The following MYO3B variants were observed in gnomAD, a reference collection of about 807,000 sequenced individuals.
MYO3B encodes myosin IIIB.
A neutral mutation model predicts 174.6 loss-of-function variants in MYO3B; 156 were observed. The ratio of observed to expected loss-of-function variants is 0.89; its 90% CI spans 0.78 to 1.02. MYO3B has a LOEUF of 1.02. Ranked by LOEUF, MYO3B falls within the 50% of genes least tolerant of loss-of-function variation. MYO3B has a pLI of 0.00. For missense variants in MYO3B, 1,632 were observed against 1,639.4 expected (o/e 1.00, Z 0.08); for synonymous variants, 563 against 569.1 (o/e 0.99, Z 0.15).
chr2:170,268,112 A>G (rs1574685213), intron 7 of MYO3B, among the ~76,000 whole-genome samples: 1 of 152,212 alleles, frequency 6.6e-6, no homozygotes, highest in East Asian at 1.9e-4. Flanking sequence ...TGGGAGGCTG[A>G]GGCAGGAGAA....
chr2:170,245,900 G>A (rs1294546293), intron 7 of MYO3B, among the ~76,000 whole-genome samples: 2 of 152,072 alleles, frequency 1.3e-5, no homozygotes, highest in Non-Finnish European at 2.9e-5. Context: ...TGCACGTTGT[G>A]CACATGTACC....
chr2:170,400,242 G>T lies in MYO3B; in HGVS notation c.1846G>T (p.Glu616Ter). ...LAGILNIGNIEFAAISSQHQT... is the reference protein window; with the variant it reads ...LAGILNIGNI ...TGGGATTTTGAATATTGGGAACATT[G>T]AGTTCGCAGCTATTTCCTCTCAACA... Residue 616 changes from glutamate (E) to a stop codon, truncating the protein, a stop_gained, in exon 17 of 35, where the codon GAG (glutamate) becomes TAG (stop). Transcript: ENST00000408978. LOFTEE classifies it high-confidence loss of function. The T allele has an allele frequency of 6.2e-6, 10 of 1,613,940 alleles. No individual in the cohort carries two copies. The highest frequency in any genetic ancestry group is 8.5e-6 in the Non-Finnish European group (10 of 1,179,930).
intron 25 of MYO3B, among the ~76,000 whole-genome samples, chr2:170,490,219 G>A (rs563237326): frequency 2.4e-4 from 36 of 151,976 alleles, no homozygotes; most frequent in Admixed American, 6.6e-4. Context: ...TAGTAGAGAT[G>A]GGGTTTCACC....
rs542869043 is a variant in MYO3B, at chr2:170,543,929, T to TA, written c.3675dup (p.Cys1226MetfsTer44). 1.1e-4 allele frequency: 181 copies of TA among 1,613,420 alleles called. No homozygotes were observed. In the African/African-American group the frequency reaches 2.3e-3, roughly 20 times the overall value. On this transcript the variant is annotated frameshift_variant, in exon 32 of 35. Coordinates refer to ENST00000408978, the MANE Select transcript of MYO3B (RefSeq NM_138995.5). LOFTEE classifies it high-confidence loss of function. ...GGGACTGATTTGCTGTCTTCTCGGA[T>TA]ATGCCATCCTGCTCCAGATCAGCAA...
chr2:170,604,182 G>A (rs1316035741), intron 32 of MYO3B, among the ~76,000 whole-genome samples: 2 of 152,168 alleles, frequency 1.3e-5, no homozygotes, highest in Non-Finnish European at 2.9e-5. Context: ...TTGACTTTAT[G>A]CAAAAGCCTC....
intron 1 of MYO3B, among the ~76,000 whole-genome samples, chr2:170,190,918 G>A (rs1239948251): frequency 6.6e-6 from 1 of 151,834 alleles, no homozygotes; most frequent in African/African-American, 2.4e-5. Context: ...TCAAGCAGGA[G>A]TCCCTCCCCA....
At chr2:170,408,378 TAC>T (rs905099259) in intron 22 of MYO3B, 2 of 152,510 alleles carry the variant, frequency 1.3e-5, no homozygotes, top group African/African-American at 4.8e-5. Context: ...TTTGCCTACT[TAC>T]AGTTACCTTC....
chr2:170,594,289 G>A (rs1694001656), intron 32 of MYO3B, among the ~76,000 whole-genome samples: 1 of 152,050 alleles, frequency 6.6e-6, no homozygotes. Context: ...AGTAGAGGAA[G>A]GCTGTACGAA....
intron 7 of MYO3B, among the ~76,000 whole-genome samples, chr2:170,244,343 AT>A (rs912923683): frequency 1.3e-5 from 2 of 151,936 alleles, no homozygotes; most frequent in Non-Finnish European, 1.5e-5. Flanking sequence ...CACAGATAAT[AT>A]TTTTTTTCCC....
intron 7 of MYO3B, among the ~76,000 whole-genome samples, chr2:170,299,694 G>C (rs889603357): frequency 6.6e-6 from 1 of 152,162 alleles, no homozygotes; most frequent in Non-Finnish European, 1.5e-5. Context: ...ATTAGAAATC[G>C]AGCAGTCTAG....
intron 22 of MYO3B, among the ~76,000 whole-genome samples, chr2:170,417,632 C>T (rs2094589425): frequency 6.6e-6 from 1 of 152,174 alleles, no homozygotes; most frequent in Non-Finnish European, 1.5e-5. Context: ...TGTTCCAGGC[C>T]TCTCTCCTGG....
intron 32 of MYO3B, among the ~76,000 whole-genome samples, chr2:170,622,574 T>C (rs953316093): frequency 1.8e-5 from 2 of 108,906 alleles, no homozygotes; most frequent in African/African-American, 7.4e-5. Flanking sequence ...ATAATATACA[T>C]TTTTTTTTAT....
intron 32 of MYO3B, among the ~76,000 whole-genome samples, chr2:170,629,292 TC>T (rs1413327744): frequency 6.6e-6 from 1 of 152,154 alleles, no homozygotes; most frequent in Admixed American, 6.5e-5. Context: ...GATGCCCACT[TC>T]CTGGATTAGC....
At chr2:170,616,278 T>C (rs186761867) in intron 32 of MYO3B, among the ~76,000 whole-genome samples, 42 of 152,302 alleles carry the variant, frequency 2.8e-4, no homozygotes, top group Middle Eastern at 3.4e-3. Context: ...CACCTCCCCA[T>C]GCATCCGTTT....
At chr2:170,413,052 T>G (rs2094555965) in intron 22 of MYO3B, among the ~76,000 whole-genome samples, 1 of 152,188 alleles carries the variant, frequency 6.6e-6, no homozygotes, top group Admixed American at 6.6e-5. Context: ...AGATCAATAG[T>G]GCCAAATCCC....
chr2:170,182,125 T>C (rs2092408174), intron 1 of MYO3B, among the ~76,000 whole-genome samples: 1 of 152,174 alleles, frequency 6.6e-6, no homozygotes, highest in Non-Finnish European at 1.5e-5. Flanking sequence ...ACAATTCTTT[T>C]GGTTGTAGAG....
At chr2:170,373,657 A>G (rs1207418305) in intron 9 of MYO3B, among the ~76,000 whole-genome samples, 1 of 152,062 alleles carries the variant, frequency 6.6e-6, no homozygotes, top group East Asian at 1.9e-4. Flanking sequence ...AAGACAGAAG[A>G]GAGAGGAAGC....
intron 17 of MYO3B, among the ~76,000 whole-genome samples, chr2:170,400,829 G>GGTTTTTTTT (rs60401794): frequency 6.6e-6 from 1 of 150,894 alleles, no homozygotes; most frequent in African/African-American, 2.4e-5. Context: ...TTTGAGCAGT[G>GGTTTTTTTT]TTTTTTTCTT....
At chr2:170,178,400 A>T in intron 1 of MYO3B, 111 bp downstream of exon 1, 1 of 1,366,358 alleles carries the variant, frequency 7.3e-7, no homozygotes, top group South Asian at 1.2e-5. Flanking sequence ...GGGGGATGAC[A>T]GCCACTCTGG....
Sources: gnomAD v4.1 joint callset for allele counts (sites outside exome capture counted in the v4.1 genomes callset) on GRCh38, gnomAD v4.1.1 for gene constraint, MANE v1.5 for transcripts, NCBI Gene and HGNC (gene_info 2026-07-23, HGNC 2026-07-21) for gene names.